The following C16orf96 variants were observed in gnomAD, a reference collection of about 807,000 sequenced individuals.
C16orf96 encodes the protein chromosome 16 open reading frame 96, also known as uncharacterized protein C16orf96.
In C16orf96, 108 loss-of-function variants were observed where a neutral mutation model predicts 103.6. The ratio of observed to expected loss-of-function variants is 1.04; its 90% confidence interval spans 0.89 to 1.22. The LOEUF (loss-of-function observed/expected upper bound fraction) is 1.22, where lower values mean the gene tolerates loss of function less well. C16orf96 is among the 50% of genes most tolerant of loss of function. The pLI is 0.00. For synonymous variants in C16orf96, 566 were observed against 593.5 expected (o/e 0.95, Z 0.67); for missense variants, 1,586 against 1,464.2 (o/e 1.08, Z -1.36).
At chr16:4,590,933 G>A (rs187787792) in intron 9 of C16orf96, among the ~76,000 whole-genome samples, 1 of 152,082 alleles carries the variant, frequency 6.6e-6, no homozygotes, top group African/African-American at 2.4e-5. Context: ...TTGGGAGGCT[G>A]AGGCAGGAGA....
At chr16:4,557,056 G>A (rs909666664) in intron 1 of C16orf96, 147 bp downstream of exon 1, 59 of 891,770 alleles carry the variant, frequency 6.6e-5, no homozygotes, top group Admixed American at 9.0e-5. Context: ...TGCAACCTCC[G>A]CCTCCCGGGT....
the C16orf96 span, among the ~76,000 whole-genome samples, chr16:4,542,950 G>A: frequency 3.3e-5 from 5 of 152,140 alleles, no homozygotes; most frequent in Non-Finnish European, 7.3e-5. Flanking sequence ...GTATTGGACA[G>A]CACAGATCTA....
chr16:4,580,034 T>A lies in C16orf96; in HGVS notation c.2261T>A (p.Ile754Asn). The change falls in exon 7 of 16, where the codon ATT (isoleucine) becomes AAT (asparagine). Residue 754 changes from isoleucine (I) to asparagine (N), a missense_variant. By Grantham distance (149) the Ile-to-Asn change is moderately radical (BLOSUM62 -3). Transcript: ENST00000444310. The part of the protein sequence containing the change: ...SRLKEEELER[I>N]WGNQIEMMKD... ...TTTTAGGAGGAAGAACTTGAGAGAATTTGGGGCAACCAAATAGAGATGATG... is the reference window on the plus strand; with the variant it reads ...TTTTAGGAGGAAGAACTTGAGAGAAATTGGGGCAACCAAATAGAGATGATG... The A allele has an allele frequency of 6.4e-7, 1 of 1,551,172 alleles. No homozygotes were observed. The highest frequency in any genetic ancestry group is 8.7e-7 in the Non-Finnish European group (1 of 1,146,774).
chr16:4,592,192 C>A, intron 10 of C16orf96, 113 bp from the exon 11 acceptor site: 1 of 1,318,380 alleles, frequency 7.6e-7, no homozygotes, highest in Non-Finnish European at 1.1e-6. Flanking sequence ...TGGGGCTGAG[C>A]TGGGCCGGGC....
intron 7 of C16orf96, among the ~76,000 whole-genome samples, chr16:4,584,365 T>TTTTTTTTTTTTTTTTTA (rs1896866794): frequency 1.4e-5 from 2 of 144,928 alleles, no homozygotes; most frequent in African/African-American, 5.1e-5. Flanking sequence ...TTTTTTTTTT[T>TTTTTTTTTTTTTTTTTA]GAGATACAGT....
At chr16:4,546,233 A>G in the C16orf96 span, among the ~76,000 whole-genome samples, 1 of 141,646 alleles carries the variant, frequency 7.1e-6, no homozygotes, top group Non-Finnish European at 1.5e-5. Context: ...ATCTCGGCTC[A>G]CTGCAAGCTC....
chr16:4,542,369 AAAAT>A, the C16orf96 span, among the ~76,000 whole-genome samples: 4 of 152,202 alleles, frequency 2.6e-5, no homozygotes. Context: ...AGTCTCTAAA[AAAAT>A]AAATAAATAA....
chr16:4,540,544 C>G, the C16orf96 span, among the ~76,000 whole-genome samples: 1 of 151,872 alleles, frequency 6.6e-6, no homozygotes, highest in Non-Finnish European at 1.5e-5. Flanking sequence ...ACCAGCCTGG[C>G]CAACACAGTG....
chr16:4,587,529 C>CAAAAAAAAAAAAAAAAAAA (rs59504956), intron 8 of C16orf96, among the ~76,000 whole-genome samples: 1 of 118,668 alleles, frequency 8.4e-6, no homozygotes, highest in African/African-American at 3.2e-5. Context: ...AACTCTGTCT[C>CAAAAAAAAAAAAAAAAAAA]AAAAAAAAAA....
the C16orf96 span, among the ~76,000 whole-genome samples, chr16:4,545,196 C>G: frequency 1.3e-5 from 2 of 152,104 alleles, no homozygotes; most frequent in Non-Finnish European, 2.9e-5. Flanking sequence ...ACTTCTGTAT[C>G]TGTCTTTGCG....
upstream of C16orf96, among the ~76,000 whole-genome samples, chr16:4,553,422 G>A (rs1812192983): frequency 6.6e-6 from 1 of 152,136 alleles, no homozygotes; most frequent in African/African-American, 2.4e-5. Flanking sequence ...CTCTTGCCCA[G>A]GCTGGAGTGC....
chr16:4,593,051 G>A lies in C16orf96; in HGVS notation c.2775-173G>A, dbSNP rs531276676. On this transcript the variant is annotated intron_variant, in intron 11 of 15. Transcript: ENST00000444310. This position sits in a 1 kb window ranked among gnomAD's most constrained non-coding sequence, Gnocchi z 4.2. ...GATCAGAGGTCCTGAGATGCCTTTC[G>A]GGGGGGCCCCTTCTACTTCTATGCT... Among the ~76,000 whole-genome samples, 4 of 152,060 alleles carry A rather than the reference G, an allele frequency of 2.6e-5. No homozygotes were observed. Among genetic ancestry groups the A allele is most frequent in the East Asian group, 3.9e-4 (2 of 5,178 alleles).
At chr16:4,558,782 G>A (rs1419786895) in intron 1 of C16orf96, among the ~76,000 whole-genome samples, 1 of 152,032 alleles carries the variant, frequency 6.6e-6, no homozygotes, top group African/African-American at 2.4e-5. Context: ...GGGCATGCTT[G>A]CGTGCGCCTG....
chr16:4,585,470 A>T (rs1335353632), intron 7 of C16orf96, among the ~76,000 whole-genome samples: 1 of 152,064 alleles, frequency 6.6e-6, no homozygotes, highest in Non-Finnish European at 1.5e-5. Flanking sequence ...AAATTAAAAT[A>T]AAAAAATTAA....
chr16:4,576,385 C>T lies in C16orf96; in HGVS notation c.1905C>T (p.Ser635=), dbSNP rs1656752774. The change falls in exon 5 of 16, where the codon TCC becomes TCT. Residue 635 remains serine (S), a synonymous_variant. Transcript: ENST00000444310. ...GGCCTTCCCGGGGAGCCACAGAATC[C>T]CAGATCTTGGGCGATGATTCCGAAA... is the stretch of plus-strand genomic sequence containing the variant. ...GAGPSRGATE[S]QILGDDSEIY... 6.4e-7 allele frequency: 1 copy of T among 1,550,936 alleles called. No individual in the cohort carries two copies.
At chr16:4,550,192 C>T in the C16orf96 span, among the ~76,000 whole-genome samples, 1 of 151,612 alleles carries the variant, frequency 6.6e-6, no homozygotes, top group East Asian at 1.9e-4. Flanking sequence ...TCAAGCGATT[C>T]TCCTGCCTCA....
intron 1 of C16orf96, among the ~76,000 whole-genome samples, chr16:4,563,478 C>T (rs1183487023): frequency 6.6e-6 from 1 of 152,196 alleles, no homozygotes; most frequent in Non-Finnish European, 1.5e-5. Context: ...TGGTCTCGAA[C>T]TCTTGAGCTC....
the C16orf96 span, among the ~76,000 whole-genome samples, chr16:4,540,244 TGGTG>T: frequency 1.3e-5 from 2 of 151,842 alleles, no homozygotes; most frequent in Non-Finnish European, 2.9e-5. Context: ...AGTTACGGGG[TGGTG>T]CCACTAGACA....
At chr16:4,544,620 T>C in the C16orf96 span, among the ~76,000 whole-genome samples, 1 of 152,040 alleles carries the variant, frequency 6.6e-6, no homozygotes, top group Non-Finnish European at 1.5e-5. Context: ...AAAATAGGTA[T>C]ATTTAATTTT....
Sources: allele counts gnomAD v4.1 joint callset (sites outside exome capture counted in the v4.1 genomes callset), GRCh38; gene constraint gnomAD v4.1.1; non-coding constraint Gnocchi (gnomAD v3.1); transcripts MANE v1.5; gene names NCBI Gene and HGNC (gene_info 2026-07-23, HGNC 2026-07-21).